Variants in RABGAP1 observed in about 807,000 individuals in gnomAD.
RABGAP1 encodes RAB GTPase activating protein 1.
RABGAP1 carries 23 observed loss-of-function variants against 137.6 expected under a neutral mutation model. That is an observed-to-expected ratio of 0.17 (90% CI 0.12 to 0.24). The LOEUF is 0.24. RABGAP1 is among the 10% of genes least tolerant of loss of function. The pLI is 1.00. For missense variants in RABGAP1, 906 were observed against 1,275.8 expected (o/e 0.71, Z 4.42); for synonymous variants, 451 against 450.7 (o/e 1.00, Z -0.01).
At chr9:123,066,090 T>C (rs1232636819) in intron 14 of RABGAP1, among the ~76,000 whole-genome samples, 1 of 152,178 alleles carries the variant, frequency 6.6e-6, no homozygotes, top group East Asian at 1.9e-4. Flanking sequence ...CCAAAAGTAA[T>C]CAAGTACTTA....
At chr9:123,085,646 T>C (rs2034841014) in intron 19 of RABGAP1, among the ~76,000 whole-genome samples, 1 of 152,226 alleles carries the variant, frequency 6.6e-6, no homozygotes. Context: ...TCTAAATCCA[T>C]AGCTTCCCTT....
At chr9:122,945,618 C>G (rs1833907176) in intron 1 of RABGAP1, among the ~76,000 whole-genome samples, 1 of 152,190 alleles carries the variant, frequency 6.6e-6, no homozygotes, top group East Asian at 1.9e-4. Flanking sequence ...AATTGTGTAC[C>G]TCTCCAAGAA....
chr9:123,087,978 C>CAG (rs2034920040), intron 19 of RABGAP1, among the ~76,000 whole-genome samples: 1 of 151,972 alleles, frequency 6.6e-6, no homozygotes, highest in Non-Finnish European at 1.5e-5. Flanking sequence ...AGGCAGATTT[C>CAG]CACGTCAGCA....
intron 1 of RABGAP1, among the ~76,000 whole-genome samples, chr9:122,942,707 GGAAGA>G (rs1266592385): frequency 1.4e-5 from 2 of 139,534 alleles, no homozygotes; most frequent in Non-Finnish European, 3.2e-5. Flanking sequence ...AACAAAATAG[GGAAGA>G]GAAGTCTTTA....
intron 14 of RABGAP1, 166 bp downstream of exon 14, chr9:123,065,627 A>T (rs768314950): frequency 1.7e-6 from 1 of 603,606 alleles, no homozygotes; most frequent in Non-Finnish European, 3.0e-6. Context: ...TAGATTCATT[A>T]AAGAGTAGAA....
At chr9:123,008,296 A>G (rs999469067) in intron 10 of RABGAP1, among the ~76,000 whole-genome samples, 4 of 152,110 alleles carry the variant, frequency 2.6e-5, no homozygotes, top group African/African-American at 4.8e-5. Flanking sequence ...ACGGTGGCTC[A>G]TGTCTGTAAT....
At chr9:122,978,709 G>C (rs12352637) in intron 2 of RABGAP1, among the ~76,000 whole-genome samples, 11,828 of 152,162 alleles carry the variant, frequency 0.078, 1,640 homozygotes, top group East Asian at 0.62. Context: ...ATACCTAAGA[G>C]TGAGTCATAT....
upstream of RABGAP1, among the ~76,000 whole-genome samples, chr9:122,937,149 T>A (rs375984903): frequency 5.3e-5 from 8 of 152,164 alleles, no homozygotes; most frequent in Non-Finnish European, 1.0e-4. Flanking sequence ...AAAAATAAAA[T>A]TTTTAAAAAA....
At chr9:122,942,682 A>AAAAAAAAAAAAAAC (rs1833662324) in intron 1 of RABGAP1, among the ~76,000 whole-genome samples, 1 of 151,072 alleles carries the variant, frequency 6.6e-6, no homozygotes, top group Non-Finnish European at 1.5e-5. Flanking sequence ...AAAAAAAAAA[A>AAAAAAAAAAAAAAC]AAAAAACACA....
chr9:122,981,063 A>G (rs765780086), intron 2 of RABGAP1, among the ~76,000 whole-genome samples: 1 of 151,944 alleles, frequency 6.6e-6, no homozygotes, highest in Admixed American at 6.6e-5. Context: ...TGTTTGATAG[A>G]GTCTCATTCT....
chr9:122,996,644 C>G (rs1837035742), intron 8 of RABGAP1, 39 bp downstream of exon 8: 2 of 1,492,810 alleles, frequency 1.3e-6, no homozygotes, highest in East Asian at 4.5e-5. Flanking sequence ...CATACTATTT[C>G]CTCAGTAAAG....
At chr9:122,932,794 A>C in the RABGAP1 span, among the ~76,000 whole-genome samples, 2 of 152,094 alleles carry the variant, frequency 1.3e-5, no homozygotes, top group African/African-American at 2.4e-5. Flanking sequence ...GGCCTCCCAA[A>C]GTGCTGGGAT....
intron 13 of RABGAP1, chr9:123,029,379 A>T: frequency 3.4e-6 from 4 of 1,184,560 alleles, no homozygotes; most frequent in Non-Finnish European, 5.1e-6. Context: ...GGACCTGTTC[A>T]TGCATCTTCA....
chr9:123,036,760 C>T (rs2032683763), intron 13 of RABGAP1, among the ~76,000 whole-genome samples: 2 of 150,634 alleles, frequency 1.3e-5, no homozygotes, highest in African/African-American at 2.4e-5. Context: ...ACTTAAGTCT[C>T]TTATTGCTAT....
At chr9:123,091,304 G>A (rs984956384) in intron 21 of RABGAP1, among the ~76,000 whole-genome samples, 1 of 152,054 alleles carries the variant, frequency 6.6e-6, no homozygotes, top group Non-Finnish European at 1.5e-5. Context: ...ACTGAAATAG[G>A]GTCCATGAAT....
intron 13 of RABGAP1, among the ~76,000 whole-genome samples, chr9:123,055,989 GGGTGAA>G (rs1417360516): frequency 6.6e-6 from 1 of 152,186 alleles, no homozygotes; most frequent in Non-Finnish European, 1.5e-5. Context: ...TTTGTGGTGT[GGGTGAA>G]GGGAGACTAT....
intron 1 of RABGAP1, among the ~76,000 whole-genome samples, chr9:122,942,285 A>G (rs1203400107): frequency 1.3e-5 from 2 of 152,236 alleles, no homozygotes; most frequent in Admixed American, 1.3e-4. Context: ...GGGTTCATCC[A>G]ACTTTTTTTT....
intron 19 of RABGAP1, chr9:123,077,112 A>ATTCAGGT (rs1460818429): frequency 2.0e-5 from 3 of 151,544 alleles, no homozygotes; most frequent in African/African-American, 4.9e-5. Flanking sequence ...TAGTGGCAGA[A>ATTCAGGT]TTCAGGTTTC....
intron 13 of RABGAP1, chr9:123,062,496 A>G (rs1015758427): frequency 6.6e-6 from 1 of 152,208 alleles, no homozygotes; most frequent in African/African-American, 2.4e-5. Flanking sequence ...AAGTCAAATG[A>G]ATTTATTCCA....
Sources: allele counts gnomAD v4.1 joint callset (sites outside exome capture counted in the v4.1 genomes callset), GRCh38; gene constraint gnomAD v4.1.1; transcripts MANE v1.5; gene names NCBI Gene and HGNC (gene_info 2026-07-23, HGNC 2026-07-21).